SEMA5A: variants seen among roughly 807,000 people sequenced by gnomAD.
SEMA5A encodes semaphorin-5A.
A neutral mutation model predicts 135.5 loss-of-function variants in SEMA5A; 55 were observed. That is an observed-to-expected ratio of 0.41 (90% CI 0.33 to 0.51). The LOEUF (loss-of-function observed/expected upper bound fraction) is 0.51. SEMA5A is among the 20% of genes least tolerant of loss of function. The pLI, the probability that SEMA5A is intolerant of heterozygous loss-of-function variation, is 0.37. For missense variants in SEMA5A, 1,290 were observed against 1,419.9 expected (o/e 0.91, Z 1.47); for synonymous variants, 580 against 546.5 (o/e 1.06, Z -0.85).
intron 2 of SEMA5A, among the ~76,000 whole-genome samples, chr5:9,384,623 G>C (rs370300355): frequency 0.041 from 1,704 of 41,996 alleles, 78 homozygotes; most frequent in Admixed American, 0.061. Context: ...TAGATACATA[G>C]ATAGATAGAT....
intron 7 of SEMA5A, among the ~76,000 whole-genome samples, chr5:9,226,079 T>C (rs747538946): frequency 4.3e-4 from 66 of 152,292 alleles, no homozygotes; most frequent in Admixed American, 1.9e-3. Context: ...GTGCAGCACC[T>C]AGAGAGCTCC....
chr5:9,221,729 C>T (rs1054845009), intron 8 of SEMA5A, among the ~76,000 whole-genome samples: 2 of 152,132 alleles, frequency 1.3e-5, no homozygotes, highest in Admixed American at 6.5e-5. Flanking sequence ...CAGAACACAG[C>T]AGAAAGAATC....
chr5:9,344,369 A>T (rs114871756), intron 3 of SEMA5A, among the ~76,000 whole-genome samples: 1 of 152,244 alleles, frequency 6.6e-6, no homozygotes, highest in Non-Finnish European at 1.5e-5. Flanking sequence ...TTAAAAATCA[A>T]TTTTCCAAGG....
chr5:9,416,282 AGAGGTGG>A (rs1757280848), intron 2 of SEMA5A, among the ~76,000 whole-genome samples: 1 of 152,178 alleles, frequency 6.6e-6, no homozygotes, highest in African/African-American at 2.4e-5. Context: ...TGAGAATTGG[AGAGGTGG>A]GAGGTCAGGG....
rs1427332964 is a variant in SEMA5A, at chr5:9,041,661, G to T, written c.*1236C>A. On this transcript the variant is annotated 3_prime_UTR_variant, in exon 23 of 23. Transcript: ENST00000382496. ...GGGAGAGGTGAGGGTGAATGGACTG[G>T]GTGGGTGGGAAGGCAGCACTGAAAT... 1.3e-5 allele frequency: 2 copies of T among 152,404 alleles called. No individual in the cohort carries two copies. The highest frequency in any genetic ancestry group is 3.9e-4 in the East Asian group (2 of 5,174). The allele number at this position is 152,404 out of a possible 1,614,324, so 9.4% of individuals were successfully genotyped here. A position where few individuals can be genotyped will look rare whatever the true frequency, so the allele number is the denominator to read the frequency against.
At chr5:9,256,347 C>T (rs1749066401) in intron 5 of SEMA5A, among the ~76,000 whole-genome samples, 1 of 152,140 alleles carries the variant, frequency 6.6e-6, no homozygotes, top group Non-Finnish European at 1.5e-5. Context: ...GCCCTGTGAT[C>T]CAGCAACTCT....
At position 9,042,117 on chromosome 5, in the gene SEMA5A, A is replaced by T. The variant is rs946697198; in HGVS notation, c.*780T>A. The stretch of plus-strand genomic sequence containing the variant: ...ACAGGTGGACTTCCAGGCCAACAGC[A>T]TGGCAAGGAGCTTCCTGGAATGCCA... On this transcript the variant is annotated 3_prime_UTR_variant, in exon 23 of 23. Transcript: ENST00000382496. 2 of 152,216 alleles carry T rather than the reference A, an allele frequency of 1.3e-5. No individual in the cohort carries two copies. The highest frequency in any genetic ancestry group is 4.8e-5 in the African/African-American group (2 of 41,462). The allele number at this position is 152,216 out of a possible 1,614,324, so 9.4% of individuals were successfully genotyped here.
At chr5:9,406,796 A>G (rs143909119) in intron 2 of SEMA5A, among the ~76,000 whole-genome samples, 280 of 152,374 alleles carry the variant, frequency 1.8e-3, no homozygotes, top group African/African-American at 6.5e-3. Flanking sequence ...CGGAAATGAT[A>G]TTAAATGAAA....
chr5:9,353,096 AGG>A (rs1350640593), intron 3 of SEMA5A, among the ~76,000 whole-genome samples: 1,503 of 4,632 alleles, frequency 0.32, 317 homozygotes, highest in South Asian at 0.45. Context: ...AAGGAAAGGA[AGG>A]AAGGAAAGGA....
chr5:9,357,643 G>A (rs1455503171), intron 3 of SEMA5A, among the ~76,000 whole-genome samples: 4 of 152,146 alleles, frequency 2.6e-5, no homozygotes, highest in Non-Finnish European at 5.9e-5. Flanking sequence ...TCTGTTAAAA[G>A]GATTAGAGTG....
chr5:9,194,432 G>C (rs1042469519), intron 10 of SEMA5A, among the ~76,000 whole-genome samples: 1 of 152,094 alleles, frequency 6.6e-6, no homozygotes, highest in Non-Finnish European at 1.5e-5. Context: ...ATGTCAGTAG[G>C]AAAAACAAGA....
intron 16 of SEMA5A, among the ~76,000 whole-genome samples, chr5:9,085,877 C>T (rs1738655391): frequency 6.6e-6 from 1 of 152,192 alleles, no homozygotes; most frequent in African/African-American, 2.4e-5. Flanking sequence ...GAGGCTGTAC[C>T]CTGCAAAGCC....
At chr5:9,458,170 G>T (rs1224227327) in intron 1 of SEMA5A, among the ~76,000 whole-genome samples, 1 of 152,006 alleles carries the variant, frequency 6.6e-6, no homozygotes, top group African/African-American at 2.4e-5. Flanking sequence ...GCCTCCCAAA[G>T]TGCTGGGATT....
At chr5:9,231,019 T>G (rs1000791416) in intron 6 of SEMA5A, among the ~76,000 whole-genome samples, 5 of 152,206 alleles carry the variant, frequency 3.3e-5, no homozygotes, top group African/African-American at 1.2e-4. Flanking sequence ...TCCAAACAAA[T>G]TCATTTAAAA....
chr5:9,384,527 T>C (rs1027844641), intron 2 of SEMA5A, among the ~76,000 whole-genome samples: 3 of 96,458 alleles, frequency 3.1e-5, no homozygotes, highest in African/African-American at 1.3e-4. Context: ...GAACCTCTGC[T>C]ATAGATAGAT....
In SEMA5A at chr5:9,190,313, C is replaced by T. The variant is rs748555426; in HGVS notation, c.1227G>A (p.Val409=). 2.5e-6 allele frequency: 4 copies of T among 1,614,096 alleles called. No individual in the cohort carries two copies. Among genetic ancestry groups the T allele is most frequent in the Non-Finnish European group, 3.4e-6 (4 of 1,180,028 alleles). Residue 409 remains valine, a synonymous_variant, in exon 11 of 23, where the codon GTG becomes GTA. Transcript: ENST00000382496. The part of the protein sequence containing the change: ...NSRFSHVAVD[V]VQGREALVHI... ...GGACGAGCGCTTCTCTGCCCTGCAC[C>T]ACGTCGACTGCCACGTGGGAAAAGC...
chr5:9,221,349 C>A (rs1380505266), intron 8 of SEMA5A, among the ~76,000 whole-genome samples: 1 of 136,786 alleles, frequency 7.3e-6, no homozygotes, highest in African/African-American at 2.8e-5. Flanking sequence ...GTCACCCAGG[C>A]TGGAGTGCAG....
intron 18 of SEMA5A, among the ~76,000 whole-genome samples, chr5:9,058,996 G>A (rs2150058598): frequency 6.6e-6 from 1 of 152,280 alleles, no homozygotes. Flanking sequence ...TTTATCTATA[G>A]GACACACAAC....
chr5:9,516,092 A>G (rs1008670158), intron 1 of SEMA5A, among the ~76,000 whole-genome samples: 1 of 152,222 alleles, frequency 6.6e-6, no homozygotes, highest in Non-Finnish European at 1.5e-5. Flanking sequence ...TTTACTGAAC[A>G]CCTACGGTAT....
Sources: gnomAD v4.1 joint callset for allele counts (sites outside exome capture counted in the v4.1 genomes callset) on GRCh38, gnomAD v4.1.1 for gene constraint, MANE v1.5 for transcripts, NCBI Gene and HGNC (gene_info 2026-07-23, HGNC 2026-07-21) for gene names.